Variants in DENND4C observed in about 807,000 individuals in gnomAD.
DENND4C encodes the protein DENN domain containing 4C, also known as DENN domain-containing protein 4C.
A neutral mutation model predicts 203.0 loss-of-function variants in DENND4C; 108 were observed. That is an observed-to-expected ratio of 0.53 (90% CI 0.46 to 0.62). The LOEUF (loss-of-function observed/expected upper bound fraction) is 0.62, where lower values mean the gene tolerates loss of function less well. Ranked by LOEUF, DENND4C falls within the 20% of genes least tolerant of loss-of-function variation. The pLI, the probability that DENND4C is intolerant of heterozygous loss-of-function variation, is 0.00. For missense variants in DENND4C, 2,481 were observed against 2,301.2 expected (o/e 1.08, Z -1.60); for synonymous variants, 871 against 792.4 (o/e 1.10, Z -1.67).
rs576915731 is a variant in DENND4C at position 19,373,889 on chromosome 9, A to G, written c.*1716A>G. Among the ~76,000 whole-genome samples, 2 of 152,314 alleles carry G rather than the reference A, an allele frequency of 1.3e-5. No homozygotes were observed. Among genetic ancestry groups the G allele is most frequent in the Non-Finnish European group, 2.9e-5 (2 of 68,006 alleles). The stretch of plus-strand genomic sequence containing the variant: ...CCAGTCTTTCAACATTTCAGGGTTA[A>G]TCTGACCTATGCAGAATTCTAGTGT... On this transcript the variant is annotated 3_prime_UTR_variant, in exon 33 of 33. Transcript: ENST00000434457.
At chr9:19,352,217 C>T (rs752921622) in intron 25 of DENND4C, 35 bp downstream of exon 25, 1 of 1,553,876 alleles carries the variant, frequency 6.4e-7, no homozygotes, top group Admixed American at 1.7e-5. Flanking sequence ...GATAAAGTAG[C>T]TGTAAGCATA....
intron 24 of DENND4C, among the ~76,000 whole-genome samples, chr9:19,351,480 C>T (rs76187955): frequency 0.016 from 2,364 of 152,034 alleles, 55 homozygotes; most frequent in African/African-American, 0.054. Flanking sequence ...AATTATAATT[C>T]GGTTCTTTTT....
chr9:19,325,353 A>T (rs1309892447), intron 13 of DENND4C, among the ~76,000 whole-genome samples: 1 of 152,114 alleles, frequency 6.6e-6, no homozygotes, highest in African/African-American at 2.4e-5. Context: ...AACTTTTAAT[A>T]TAATTCTTAT....
At chr9:19,328,264 A>G in intron 16 of DENND4C, 102 bp downstream of exon 16, 1 of 1,164,290 alleles carries the variant, frequency 8.6e-7, no homozygotes, top group Non-Finnish European at 1.2e-6. Flanking sequence ...CAACCATTTG[A>G]AGACTCACTT....
intron 26 of DENND4C, among the ~76,000 whole-genome samples, 199 bp downstream of exon 26, chr9:19,352,864 G>A (rs115707480): frequency 0.02 from 3,023 of 152,204 alleles, 106 homozygotes; most frequent in African/African-American, 0.069. Context: ...GCCGGGCTCC[G>A]TGGCTCATGC....
chr9:19,324,590 G>C, intron 13 of DENND4C, 83 bp downstream of exon 13: 1 of 1,401,604 alleles, frequency 7.1e-7, no homozygotes, highest in South Asian at 1.3e-5. Context: ...TTAGTCTAGA[G>C]TGATATAAGG....
At chr9:19,334,505 G>C (rs1369325825) in intron 17 of DENND4C, among the ~76,000 whole-genome samples, 1 of 148,976 alleles carries the variant, frequency 6.7e-6, no homozygotes, top group Non-Finnish European at 1.5e-5. Context: ...TAATGAATAG[G>C]TTTGTTTTTG....
chr9:19,259,293 G>A (rs7865867), intron 1 of DENND4C, among the ~76,000 whole-genome samples: 120,121 of 151,636 alleles, frequency 0.79, 47,606 homozygotes, highest in Admixed American at 0.81. Context: ...TCTATTTTCT[G>A]TTTCCATTAG....
chr9:19,347,074 C>T lies in DENND4C; in HGVS notation c.4305C>T (p.Tyr1435=), dbSNP rs1249117182. Residue 1435 remains tyrosine (Y), a synonymous_variant, in exon 23 of 33, where the codon TAC becomes TAT. Coordinates refer to ENST00000434457, the MANE Select transcript of DENND4C (RefSeq NM_001330640.2). ...MWVAVASAYS[Y]SDDEEETNRD... ...TAGCTGTTGCGTCTGCCTACAGCTA[C>T]TCAGATGATGAGGTAAGAAAGCTTT... The T allele has an allele frequency of 1.9e-6, 3 of 1,612,802 alleles. No individual in the cohort carries two copies. The highest frequency in any genetic ancestry group is 2.5e-6 in the Non-Finnish European group (3 of 1,179,232).
chr9:19,231,166 C>T (rs1258404751), intron 1 of DENND4C, among the ~76,000 whole-genome samples: 1 of 152,098 alleles, frequency 6.6e-6, no homozygotes, highest in African/African-American at 2.4e-5. Context: ...GGGGGACCGC[C>T]GGGGCGACGG....
chr9:19,245,240 G>T (rs896789700), intron 1 of DENND4C, among the ~76,000 whole-genome samples: 1 of 151,634 alleles, frequency 6.6e-6, no homozygotes. Context: ...AGGCCGAGGC[G>T]GGCAGATCAC....
chr9:19,353,111 A>T lies in DENND4C; in HGVS notation c.4781+446A>T, dbSNP rs73418024. 6.6e-3 allele frequency among the ~76,000 whole-genome samples: 1,006 copies of T among 152,316 alleles called. 7 individuals are homozygous for T. The highest frequency in any genetic ancestry group is 0.023 in the African/African-American group (965 of 41,580). ...ATATTTTAGAAGAAACAAAGGGGAA[A>T]AAAAGGCTTCAACTCTTCTCTTGTC... On this transcript the variant is annotated intron_variant, in intron 26 of 32. Transcript: ENST00000434457.
At chr9:19,257,825 A>G (rs1035620940) in intron 1 of DENND4C, among the ~76,000 whole-genome samples, 1 of 152,084 alleles carries the variant, frequency 6.6e-6, no homozygotes, top group Admixed American at 6.6e-5. Flanking sequence ...CAAACTACAA[A>G]AGTTTATTCA....
rs766533314 is a variant in DENND4C at position 19,262,315 on chromosome 9, T to TGAC, written c.-17-13842_-17-13840dup. Among the ~76,000 whole-genome samples, 13 of 152,242 alleles carry TGAC rather than the reference T, an allele frequency of 8.5e-5. No individual in the cohort carries two copies. The East Asian group carries it at 2.5e-3, about 29-fold the overall frequency. ...GTTGGCCAGGCTGGTCTTGAACTCC[T>TGAC]GACCTCAGGTGATCCACCCACCTCA... is the stretch of plus-strand genomic sequence containing the variant. On this transcript the variant is annotated intron_variant, in intron 1 of 32. Transcript: ENST00000434457.
chr9:19,249,092 C>T (rs1825943933), intron 1 of DENND4C, among the ~76,000 whole-genome samples: 1 of 151,294 alleles, frequency 6.6e-6, no homozygotes, highest in African/African-American at 2.4e-5. Flanking sequence ...TGCCCGGCCA[C>T]ACAGCATCTA....
At chr9:19,290,394 C>T (rs777262887) in intron 4 of DENND4C, among the ~76,000 whole-genome samples, 1 of 152,162 alleles carries the variant, frequency 6.6e-6, no homozygotes. Flanking sequence ...ATGTTTCTTA[C>T]CATTTTCCAC....
intron 20 of DENND4C, among the ~76,000 whole-genome samples, chr9:19,339,480 T>C (rs747996637): frequency 5.3e-5 from 8 of 152,230 alleles, no homozygotes; most frequent in Non-Finnish European, 1.0e-4. Flanking sequence ...GTTTAGGTTA[T>C]GCATCCATGG....
intron 9 of DENND4C, among the ~76,000 whole-genome samples, chr9:19,300,803 G>A (rs898856581): frequency 2.6e-5 from 4 of 152,178 alleles, no homozygotes; most frequent in East Asian, 1.9e-4. Flanking sequence ...TGTGTAAAGC[G>A]TAAATAAAAT....
At chr9:19,262,658 C>T (rs937855322) in intron 1 of DENND4C, among the ~76,000 whole-genome samples, 1 of 152,048 alleles carries the variant, frequency 6.6e-6, no homozygotes, top group African/African-American at 2.4e-5. Flanking sequence ...TCTTTAATTC[C>T]TGGCCTCAAG....
Sources: gnomAD v4.1 joint callset for allele counts (sites outside exome capture counted in the v4.1 genomes callset) on GRCh38, gnomAD v4.1.1 for gene constraint, MANE v1.5 for transcripts, NCBI Gene and HGNC (gene_info 2026-07-23, HGNC 2026-07-21) for gene names.